Variants in CCDC181 observed in about 807,000 individuals in gnomAD.
CCDC181 encodes the protein coiled-coil domain containing 181, also known as coiled-coil domain-containing protein 181.
Under a neutral mutation model 58.7 loss-of-function variants are expected in CCDC181, and 35 were observed. The ratio of observed to expected loss-of-function variants is 0.60; its 90% CI spans 0.46 to 0.79. CCDC181 has a LOEUF of 0.79. CCDC181 is among the 30% of genes least tolerant of loss of function. CCDC181 has a pLI of 0.00. For synonymous variants in CCDC181, 183 were observed against 197.5 expected (o/e 0.93, Z 0.62); for missense variants, 517 against 583.9 (o/e 0.89, Z 1.18).
At chr1:169,457,944 A>T (rs1291323849) in intron 2 of CCDC181, among the ~76,000 whole-genome samples, 1 of 152,110 alleles carries the variant, frequency 6.6e-6, no homozygotes, top group Non-Finnish European at 1.5e-5. Context: ...CTATATATAA[A>T]TATTTAGACA....
intron 2 of CCDC181, among the ~76,000 whole-genome samples, chr1:169,437,561 T>C (rs1378362369): frequency 2.0e-5 from 3 of 152,180 alleles, no homozygotes; most frequent in Non-Finnish European, 4.4e-5. Context: ...GCAATGGCAG[T>C]TTCAATCCCT....
At chr1:169,446,947 A>T (rs1657393345) in intron 2 of CCDC181, among the ~76,000 whole-genome samples, 1 of 151,910 alleles carries the variant, frequency 6.6e-6, no homozygotes, top group Non-Finnish European at 1.5e-5. Flanking sequence ...TATTTTGAAT[A>T]TTTTCTAATT....
At chr1:169,440,147 T>C (rs1014687371) in intron 2 of CCDC181, among the ~76,000 whole-genome samples, 2 of 152,204 alleles carry the variant, frequency 1.3e-5, no homozygotes, top group Admixed American at 6.5e-5. Context: ...TTCTACCCGC[T>C]ATTTCCTTGC....
intron 2 of CCDC181, among the ~76,000 whole-genome samples, chr1:169,445,703 T>C (rs965299820): frequency 3.9e-5 from 6 of 152,206 alleles, no homozygotes; most frequent in African/African-American, 1.2e-4. Flanking sequence ...TTGTGGAGAA[T>C]TGGTATCATT....
intron 2 of CCDC181, among the ~76,000 whole-genome samples, chr1:169,434,827 G>T (rs1468446296): frequency 1.1e-4 from 17 of 151,910 alleles, no homozygotes; most frequent in Admixed American, 1.1e-3. Context: ...GAGCAATTAG[G>T]CAAGAAAAAG....
At chr1:169,428,719 G>T (rs563898471), upstream of CCDC181, among the ~76,000 whole-genome samples, 2 of 152,184 alleles carry the variant, frequency 1.3e-5, no homozygotes, top group African/African-American at 4.8e-5. Flanking sequence ...GAAGTGGCAC[G>T]ATCTGGGCTC....
intron 2 of CCDC181, among the ~76,000 whole-genome samples, chr1:169,437,320 C>G (rs1042149321): frequency 2.0e-5 from 3 of 152,166 alleles, no homozygotes; most frequent in African/African-American, 7.2e-5. Flanking sequence ...CCTCTAGCTG[C>G]ATGATTCCTA....
intron 4 of CCDC181, among the ~76,000 whole-genome samples, chr1:169,403,354 T>C (rs1309270474): frequency 2.6e-5 from 4 of 152,204 alleles, no homozygotes; most frequent in African/African-American, 9.7e-5. Context: ...CAACAGAATA[T>C]ACATTCTTCT....
intron 5 of CCDC181, among the ~76,000 whole-genome samples, chr1:169,395,416 GA>G (rs1654963314): frequency 6.6e-6 from 1 of 152,172 alleles, no homozygotes; most frequent in Admixed American, 6.5e-5. Flanking sequence ...TCAAATGTTT[GA>G]AATTGTCTGT....
chr1:169,434,124 A>G (rs1156267000), intron 2 of CCDC181, among the ~76,000 whole-genome samples: 2 of 152,042 alleles, frequency 1.3e-5, no homozygotes, highest in Non-Finnish European at 2.9e-5. Context: ...TCCAATTCAA[A>G]AAATGGACAA....
At chr1:169,432,820 T>A (rs150353315) in intron 2 of CCDC181, among the ~76,000 whole-genome samples, 54 of 152,092 alleles carry the variant, frequency 3.6e-4, no homozygotes, top group African/African-American at 1.3e-3. Flanking sequence ...ACAAACAGAC[T>A]AGGAATAGAA....
At chr1:169,458,908 C>T (rs1016133873) in intron 2 of CCDC181, among the ~76,000 whole-genome samples, 1 of 151,088 alleles carries the variant, frequency 6.6e-6, no homozygotes, top group South Asian at 2.1e-4. Context: ...AGTAATAGTC[C>T]ACCAAACGTC....
At chr1:169,411,896 T>C (rs976401424) in intron 4 of CCDC181, among the ~76,000 whole-genome samples, 1 of 152,160 alleles carries the variant, frequency 6.6e-6, no homozygotes, top group Admixed American at 6.5e-5. Flanking sequence ...ATAAGAGCTA[T>C]TTATGACAAA....
Position 169,427,387 on chromosome 1 carries a change from C to G in CCDC181, c.-123G>C, listed in dbSNP as rs1413264780. 1 of 152,346 alleles carries G rather than the reference C, an allele frequency of 6.6e-6. No homozygotes were observed. The highest frequency in any genetic ancestry group is 2.4e-5 in the African/African-American group (1 of 41,460). 9.4% of individuals were successfully genotyped at this position (152,346 alleles called of 1,614,324 possible). On this transcript the variant is annotated 5_prime_UTR_variant, in exon 1 of 6. Coordinates refer to ENST00000367806, the MANE Select transcript of CCDC181 (RefSeq NM_001300969.2). ...CACATTGAGGCAAAGGAGACCCCGG[C>G]ACCTGCCTCCGCGGCAGCCAGGACC...
At chr1:169,397,175 A>G in intron 5 of CCDC181, 62 bp downstream of exon 5, 2 of 1,405,876 alleles carry the variant, frequency 1.4e-6, no homozygotes, top group Middle Eastern at 2.0e-4. Context: ...TTAATTGATG[A>G]TATAACTTTT....
intron 3 of CCDC181, among the ~76,000 whole-genome samples, chr1:169,420,579 A>C (rs1466228892): frequency 6.6e-6 from 1 of 152,162 alleles, no homozygotes; most frequent in African/African-American, 2.4e-5. Flanking sequence ...TAAACTTTCT[A>C]AGGTTTTCTT....
intron 4 of CCDC181, among the ~76,000 whole-genome samples, chr1:169,404,800 T>C (rs990651122): frequency 1.3e-5 from 2 of 152,188 alleles, no homozygotes; most frequent in African/African-American, 4.8e-5. Context: ...GTGTTGGAAG[T>C]TCTGGACAGG....
chr1:169,442,617 A>C lies in CCDC181; in HGVS notation c.-24+17180T>G, dbSNP rs531630637. 3 of 152,270 alleles carry C rather than the reference A, an allele frequency of 2.0e-5. No individual in the cohort carries two copies. In the South Asian group the frequency reaches 6.2e-4, roughly 32 times the overall value. 9.4% of individuals were successfully genotyped at this position (152,270 alleles called of 1,614,324 possible). A position where few individuals can be genotyped will look rare whatever the true frequency, so the allele number is the denominator to read the frequency against. ...ATTGTTAATGCACATTCATTTATAG[A>C]ACACAAAGACTTTATAATTGTAATG... On this transcript the variant is annotated intron_variant, in intron 2 of 6. Coordinates refer to the CCDC181 transcript ENST00000545005.
At chr1:169,407,777 G>A (rs568017166) in intron 4 of CCDC181, among the ~76,000 whole-genome samples, 4 of 152,150 alleles carry the variant, frequency 2.6e-5, no homozygotes, top group Non-Finnish European at 4.4e-5. Flanking sequence ...AACCCACAGA[G>A]GGTGAGCCGA....
Sources: gnomAD v4.1 joint callset for allele counts (sites outside exome capture counted in the v4.1 genomes callset) on GRCh38, gnomAD v4.1.1 for gene constraint, MANE v1.5 for transcripts, NCBI Gene and HGNC (gene_info 2026-07-23, HGNC 2026-07-21) for gene names.